The following MIS12 variants were observed in gnomAD, a reference collection of about 807,000 sequenced individuals.
The protein encoded by MIS12 is MIS12 kinetochore complex component.
MIS12 carries 13 observed loss-of-function variants against 16.5 expected under a neutral mutation model. The ratio of observed to expected loss-of-function variants is 0.79; its 90% confidence interval spans 0.51 to 1.25. The LOEUF (loss-of-function observed/expected upper bound fraction) is 1.25, where lower values mean the gene tolerates loss of function less well. MIS12 is among the 50% of genes most tolerant of loss of function. The pLI, the probability that MIS12 is intolerant of heterozygous loss-of-function variation, is 0.00. For synonymous variants in MIS12, 97 were observed against 87.3 expected (o/e 1.11, Z -0.62); for missense variants, 199 against 239.5 (o/e 0.83, Z 1.12).
In MIS12 at chr17:5,490,508, G is replaced by A. The variant is rs994624433; in HGVS notation, c.*1028G>A. On this transcript the variant is annotated 3_prime_UTR_variant, in exon 3 of 3. Coordinates refer to ENST00000611091, the MANE Select transcript of MIS12 (RefSeq NM_001258217.2). The stretch of plus-strand genomic sequence containing the variant: ...AAGCATCAAATATTTAATGCCCTCA[G>A]TGGGAAATTTGTGTTTAAACTCAAT... The A allele has an allele frequency of 1.2e-5, 2 of 167,058 alleles. No homozygotes were observed. The highest frequency in any genetic ancestry group is 4.1e-4 in the South Asian group (2 of 4,834). 10.3% of individuals were successfully genotyped at this position (167,058 alleles called of 1,614,324 possible).
intron 1 of MIS12, among the ~76,000 whole-genome samples, chr17:5,487,890 T>G (rs575051132): frequency 2.2e-4 from 33 of 152,342 alleles, no homozygotes; most frequent in African/African-American, 7.9e-4. Flanking sequence ...TTGACTGTAC[T>G]GCTTATTGCA....
intron 1 of MIS12, chr17:5,487,617 C>G (rs1013123078): frequency 1.3e-5 from 2 of 152,142 alleles, no homozygotes; most frequent in African/African-American, 4.8e-5. Context: ...CCGCAACCTT[C>G]GCCTCTCGGG....
chr17:5,489,769 C>T lies in MIS12; in HGVS notation c.*289C>T, dbSNP rs1805465. ...CCAGTTAAAGATATTTGCAGAGTTA[C>T]ACCTTGGTCATAAGTCCTTTGTGAC... On this transcript the variant is annotated 3_prime_UTR_variant, in exon 3 of 3. Coordinates refer to ENST00000611091, the MANE Select transcript of MIS12 (RefSeq NM_001258217.2). 8,030 of 295,198 alleles carry T rather than the reference C, an allele frequency of 0.027. 132 individuals carry two copies. The highest frequency in any genetic ancestry group is 0.051 in the Middle Eastern group (48 of 938). The allele number at this position is 295,198 out of a possible 1,614,324, so 18.3% of individuals were successfully genotyped here.
Position 5,489,250 on chromosome 17 carries a change from A to G in MIS12, c.388A>G (p.Thr130Ala). ...EIEQLQEKYK[T>A]ELCTKQALLA... is the part of the protein sequence containing the mutation. Reference sequence around the variant, plus strand: ...TGAACAGTTACAGGAGAAGTACAAGACTGAATTATGTACTAAGCAGGCCCT... The same window carrying G: ...TGAACAGTTACAGGAGAAGTACAAGGCTGAATTATGTACTAAGCAGGCCCT... Residue 130 changes from threonine (T) to alanine (A), a missense_variant, in exon 3 of 3, where the codon ACT becomes GCT. Coordinates refer to ENST00000611091, the MANE Select transcript of MIS12 (RefSeq NM_001258217.2). 1 of 1,614,180 alleles carries G rather than the reference A, an allele frequency of 6.2e-7. No homozygotes were observed. Among genetic ancestry groups the G allele is most frequent in the Non-Finnish European group, 8.5e-7 (1 of 1,180,052 alleles).
At chr17:5,487,528 TTTTTATTTTA>T (rs1415582318) in intron 1 of MIS12, 1 of 152,090 alleles carries the variant, frequency 6.6e-6, no homozygotes. Flanking sequence ...CAAACGTAAA[TTTTTATTTTA>T]TTTTATTTTT....
At position 5,490,160 on chromosome 17, in the gene MIS12, T is replaced by C. The variant is rs1017016969; in HGVS notation, c.*680T>C. The C allele has an allele frequency of 4.8e-5, 8 of 167,076 alleles. No individual in the cohort carries two copies. Among genetic ancestry groups the C allele is most frequent in the Admixed American group, 2.6e-4 (4 of 15,278 alleles). 10.3% of individuals were successfully genotyped at this position (167,076 alleles called of 1,614,324 possible). A position where few individuals can be genotyped will look rare whatever the true frequency, so the allele number is the denominator to read the frequency against. ...CTCTCGTCCTGTGAATTTTCTTTCA[T>C]GAGGGAGTCAATATGTAGTGGAAAG... On this transcript the variant is annotated 3_prime_UTR_variant, in exon 3 of 3. Transcript: ENST00000611091.
In MIS12 at chr17:5,489,281, C is replaced by T. The variant is rs756986770; in HGVS notation, c.419C>T (p.Ala140Val). ...TELCTKQALL[A>V]ELEEQKIVQA... is the part of the protein sequence containing the mutation. ...TTATGTACTAAGCAGGCCCTTCTTG[C>T]AGAATTAGAAGAGCAAAAAATTGTT... The change falls in exon 3 of 3, where the codon GCA (alanine) becomes GTA (valine). Residue 140 changes from alanine to valine, a missense_variant. By Grantham distance (64) the Ala-to-Val change is moderately conservative. Coordinates refer to ENST00000611091, the MANE Select transcript of MIS12 (RefSeq NM_001258217.2). 6 of 1,613,780 alleles carry T rather than the reference C, an allele frequency of 3.7e-6. No homozygotes were observed. In the South Asian group the frequency reaches 5.5e-5, roughly 15 times the overall value.
At position 5,490,461 on chromosome 17, in the gene MIS12, ATATT is replaced by A. The variant is rs1906709187; in HGVS notation, c.*990_*993del. ...GGTTTTGGAATCTGCCTTATACCTAATATTTATTTATTCACACTCATAAGCATCA... is the reference window on the plus strand; with the variant it reads ...GGTTTTGGAATCTGCCTTATACCTAATATTTATTCACACTCATAAGCATCA... On this transcript the variant is annotated 3_prime_UTR_variant, in exon 3 of 3. Coordinates refer to ENST00000611091, the MANE Select transcript of MIS12 (RefSeq NM_001258217.2). 1 of 147,408 alleles carries A rather than the reference ATATT, an allele frequency of 6.8e-6. No individual in the cohort carries two copies. Among genetic ancestry groups the A allele is most frequent in the African/African-American group, 3.3e-5 (1 of 30,006 alleles). The allele number at this position is 147,408 out of a possible 1,614,324, so 9.1% of individuals were successfully genotyped here.
rs755104073 is a variant in MIS12 at position 5,489,401 on chromosome 17, C to T, written c.539C>T (p.Ser180Phe). Residue 180 changes from serine (S) to phenylalanine (F), a missense_variant, in exon 3 of 3, where the codon TCC (serine) becomes TTC (phenylalanine). Ser to Phe is a radical substitution (Grantham distance 155). Transcript: ENST00000611091. ...GTSDFRESLV[S>F]LVQNSRKLQN... ...AGTGATTTTAGGGAGAGTTTAGTAT[C>T]CCTGGTTCAGAACTCCAGAAAACTA... The T allele has an allele frequency of 3.1e-6, 5 of 1,613,394 alleles. No individual in the cohort carries two copies. The highest frequency in any genetic ancestry group is 3.3e-5 in the Admixed American group (2 of 59,878).
rs1477304502 is a variant in MIS12, at chr17:5,489,008, G to T, written c.146G>T (p.Gly49Val). The T allele has an allele frequency of 6.2e-7, 1 of 1,614,216 alleles. No individual in the cohort carries two copies. The highest frequency in any genetic ancestry group is 8.5e-7 in the Non-Finnish European group (1 of 1,180,034). ...VEQVILKKLD[G>V]IPDCDISPVQ... ...CAGGTTATTCTGAAGAAGCTGGATG[G>T]CATCCCAGACTGTGACATTAGCCCA... Residue 49 changes from glycine to valine, a missense_variant, in exon 3 of 3, where the codon GGC becomes GTC. Coordinates refer to ENST00000611091, the MANE Select transcript of MIS12 (RefSeq NM_001258217.2).
rs750829242 is a variant in MIS12, at chr17:5,490,124, T to C, written c.*644T>C. ...TCATTACACTGCGGAACAGCCAACA[T>C]AGAGTACTTGCTCTCGTCCTGTGAA... On this transcript the variant is annotated 3_prime_UTR_variant, in exon 3 of 3. Transcript: ENST00000611091. 34 of 167,192 alleles carry C rather than the reference T, an allele frequency of 2.0e-4. No homozygotes were observed. The highest frequency in any genetic ancestry group is 2.6e-4 in the Non-Finnish European group (18 of 68,106). 10.4% of individuals were successfully genotyped at this position (167,192 alleles called of 1,614,324 possible).
chr17:5,489,650 C>T lies in MIS12; in HGVS notation c.*170C>T. ...TTCTGTGTTTTCCTCTTTTTTGGTC[C>T]ACTTTGCTGAGGTATGAAGTGTACT... On this transcript the variant is annotated 3_prime_UTR_variant, in exon 3 of 3. Coordinates refer to ENST00000611091, the MANE Select transcript of MIS12 (RefSeq NM_001258217.2). 1.3e-6 allele frequency: 1 copy of T among 777,286 alleles called. No homozygotes were observed. Among genetic ancestry groups the T allele is most frequent in the Non-Finnish European group, 2.0e-6 (1 of 503,690 alleles). The allele number at this position is 777,286 out of a possible 1,614,324, so 48.1% of individuals were successfully genotyped here. A position where few individuals can be genotyped will look rare whatever the true frequency, so the allele number is the denominator to read the frequency against.
chr17:5,488,088 C>T (rs1028801388), intron 1 of MIS12, 108 bp from the exon 2 acceptor site: 2 of 151,990 alleles, frequency 1.3e-5, no homozygotes, highest in African/African-American at 4.8e-5. Flanking sequence ...GTTTTATTTT[C>T]CTAGATGTTT....
At chr17:5,486,893 G>T (rs1567616239) in intron 1 of MIS12, 1 of 152,440 alleles carries the variant, frequency 6.6e-6, no homozygotes, top group South Asian at 2.0e-4. Context: ...TCTGGGTCCT[G>T]TCCTGCGCGA....
rs1254929437 is a variant in MIS12 at position 5,490,542 on chromosome 17, AT to A, written c.*1063del. ...TTGTGTTTAAACTCAATGGAATCTA[AT>A]ATTTCTTTATGTCGTTAGTCCCTGT... On this transcript the variant is annotated 3_prime_UTR_variant, in exon 3 of 3. Transcript: ENST00000611091. The A allele has an allele frequency of 6.0e-6, 1 of 167,042 alleles. No individual in the cohort carries two copies. The highest frequency in any genetic ancestry group is 2.4e-5 in the African/African-American group (1 of 41,448). 10.3% of individuals were successfully genotyped at this position (167,042 alleles called of 1,614,324 possible). A position where few individuals can be genotyped will look rare whatever the true frequency, so the allele number is the denominator to read the frequency against.
intron 1 of MIS12, chr17:5,487,463 A>C (rs1170452477): frequency 1.3e-5 from 2 of 152,132 alleles, no homozygotes; most frequent in Non-Finnish European, 2.9e-5. Flanking sequence ...ACAGAAAGAA[A>C]TCCTACCTTA....
rs1228385620 is a variant in MIS12, at chr17:5,488,517, T to A, written c.-113T>A. ...AGAAACTGAGTCTCTAGGGCATTGG[T>A]TAAGTCATCTGTCTAGACTTCAAAG... On this transcript the variant is annotated 5_prime_UTR_variant, in exon 2 of 3. Coordinates refer to ENST00000611091, the MANE Select transcript of MIS12 (RefSeq NM_001258217.2). 1 of 203,010 alleles carries A rather than the reference T, an allele frequency of 4.9e-6. No individual in the cohort carries two copies. The highest frequency in any genetic ancestry group is 2.4e-5 in the African/African-American group (1 of 42,460). 12.6% of individuals were successfully genotyped at this position (203,010 alleles called of 1,614,324 possible). A position where few individuals can be genotyped will look rare whatever the true frequency, so the allele number is the denominator to read the frequency against.
At chr17:5,486,557 G>T (rs964869164), upstream of MIS12, 25 of 163,946 alleles carry the variant, frequency 1.5e-4, no homozygotes, top group African/African-American at 6.0e-4. Flanking sequence ...TTCGCTCGCC[G>T]AGGCGCGTAT....
At position 5,489,031 on chromosome 17, in the gene MIS12, C is replaced by T. The variant is rs779015341; in HGVS notation, c.169C>T (p.Pro57Ser). Residue 57 changes from proline to serine, a missense_variant, in exon 3 of 3, where the codon CCA becomes TCA. By Grantham distance (74) the Pro-to-Ser change is moderately conservative. Coordinates refer to ENST00000611091, the MANE Select transcript of MIS12 (RefSeq NM_001258217.2). ...LDGIPDCDIS[P>S]VQIRKCTEKF... ...TGGCATCCCAGACTGTGACATTAGC[C>T]CAGTGCAGATTCGCAAATGCACAGA... 5 of 1,614,062 alleles carry T rather than the reference C, an allele frequency of 3.1e-6. No homozygotes were observed. In the African/African-American group the frequency reaches 6.7e-5, roughly 22 times the overall value.
Sources: gnomAD v4.1 joint callset for allele counts (sites outside exome capture counted in the v4.1 genomes callset) on GRCh38, gnomAD v4.1.1 for gene constraint, MANE v1.5 for transcripts, NCBI Gene and HGNC (gene_info 2026-07-23, HGNC 2026-07-21) for gene names.